The following ZNF385D variants were observed in gnomAD, a reference collection of about 807,000 sequenced individuals.
ZNF385D encodes zinc finger protein 385D, also known as zinc finger protein 659.
In ZNF385D, 15 loss-of-function variants were observed where a neutral mutation model predicts 35.8. That is an observed-to-expected ratio of 0.42 (90% CI 0.28 to 0.64). The LOEUF is 0.64. ZNF385D is among the 30% of genes least tolerant of loss of function. ZNF385D has a pLI of 0.23. For synonymous variants in ZNF385D, 212 were observed against 186.8 expected (o/e 1.13, Z -1.10); for missense variants, 474 against 494.6 (o/e 0.96, Z 0.39).
rs138277577 is a variant in ZNF385D at position 22,029,451 on chromosome 3, C to T, written c.325+139366G>A. Among the ~76,000 whole-genome samples, 280 of 152,222 alleles carry T rather than the reference C, an allele frequency of 1.8e-3. 2 individuals are homozygous for T. The highest frequency in any genetic ancestry group is 6.5e-3 in the African/African-American group (270 of 41,530). On this transcript the variant is annotated intron_variant, in intron 3 of 5. Transcript: ENST00000494108. ...TGGTTTACTCCAGCAGGAAAAAACC[C>T]GCGACCTGCTGAGGTGCTTGCTGAA...
chr3:22,200,657 C>T (rs976672801), intron 2 of ZNF385D, among the ~76,000 whole-genome samples: 3 of 152,046 alleles, frequency 2.0e-5, no homozygotes. Context: ...ATTTCTTCTT[C>T]CTAATAAGCC....
At chr3:22,030,299 A>ATATATATATATATATATATC (rs1553591392) in intron 3 of ZNF385D, among the ~76,000 whole-genome samples, 1 of 114,758 alleles carries the variant, frequency 8.7e-6, no homozygotes. Flanking sequence ...ATATATATAT[A>ATATATATATATATATATATC]TATCCTATTT....
intron 2 of ZNF385D, among the ~76,000 whole-genome samples, chr3:22,359,240 A>G (rs1696302300): frequency 6.6e-6 from 1 of 151,794 alleles, no homozygotes; most frequent in Non-Finnish European, 1.5e-5. Context: ...ACTGGAATTG[A>G]TTCGATTAAC....
intron 2 of ZNF385D, among the ~76,000 whole-genome samples, chr3:22,175,971 G>T (rs949205669): frequency 6.7e-6 from 1 of 149,966 alleles, no homozygotes; most frequent in Non-Finnish European, 1.5e-5. Context: ...AATTATAGTG[G>T]GTCACAATAT....
chr3:21,706,835 GATAGATAGATAGATAGATAA>G (rs1427028203), intron 1 of ZNF385D, among the ~76,000 whole-genome samples: 1 of 151,726 alleles, frequency 6.6e-6, no homozygotes. Context: ...TAGATAGATA[GATAGATAGATAGATAGATAA>G]ATAGATTAGA....
chr3:21,795,058 A>T (rs996926313), intron 3 of ZNF385D, among the ~76,000 whole-genome samples: 1 of 152,192 alleles, frequency 6.6e-6, no homozygotes, highest in Non-Finnish European at 1.5e-5. Flanking sequence ...TTTGTACCTG[A>T]TCCTTAATTA....
intron 3 of ZNF385D, among the ~76,000 whole-genome samples, chr3:21,870,236 C>T (rs1422851207): frequency 6.6e-6 from 1 of 152,120 alleles, no homozygotes; most frequent in Non-Finnish European, 1.5e-5. Context: ...ACTGTTTTAA[C>T]CTGTTTTGAT....
At chr3:21,737,770 T>C (rs1412624814) in intron 1 of ZNF385D, among the ~76,000 whole-genome samples, 1 of 152,162 alleles carries the variant, frequency 6.6e-6, no homozygotes, top group Non-Finnish European at 1.5e-5. Context: ...TACTATCTGA[T>C]AGGAAGGATC....
chr3:22,113,227 T>C lies in ZNF385D; in HGVS notation c.325+55590A>G, dbSNP rs1489947207. ...AGTGCTGCTATTTGCTACTCCTGAATTGGTTTATTTCTGAGTAATTTCTCA... is the reference window on the plus strand; with the variant it reads ...AGTGCTGCTATTTGCTACTCCTGAACTGGTTTATTTCTGAGTAATTTCTCA... On this transcript the variant is annotated intron_variant, in intron 3 of 5. Coordinates refer to the ZNF385D transcript ENST00000494108. Among the ~76,000 whole-genome samples the C allele has an allele frequency of 4.6e-5, 7 of 152,064 alleles. No homozygotes were observed. The East Asian group carries it at 5.8e-4, about 13-fold the overall frequency.
chr3:21,945,588 TG>T (rs1178166314), intron 3 of ZNF385D, among the ~76,000 whole-genome samples: 1 of 152,220 alleles, frequency 6.6e-6, no homozygotes, highest in Admixed American at 6.5e-5. Flanking sequence ...GTTGAACAAA[TG>T]TTTTTTTCTG....
At position 22,239,697 on chromosome 3, in the gene ZNF385D, C is replaced by G. The variant is rs961926567; in HGVS notation, c.107-70662G>C. 2.7e-5 allele frequency among the ~76,000 whole-genome samples: 4 copies of G among 150,786 alleles called. 1 individual carries two copies. The highest frequency in any genetic ancestry group is 7.4e-5 in the African/African-American group (3 of 40,708). On this transcript the variant is annotated intron_variant, in intron 2 of 5. Coordinates refer to the ZNF385D transcript ENST00000494108. ...AAAATATCCTCCAATAAACAGTGTGCTAGCCAATATCTAGATTAAGTGCAA... is the reference window on the plus strand; with the variant it reads ...AAAATATCCTCCAATAAACAGTGTGGTAGCCAATATCTAGATTAAGTGCAA...
chr3:21,853,569 A>C (rs1038952241), intron 3 of ZNF385D, among the ~76,000 whole-genome samples: 2 of 150,654 alleles, frequency 1.3e-5, no homozygotes, highest in African/African-American at 4.9e-5. Context: ...CTCAGTACGT[A>C]ATTGTGGGGA....
chr3:21,671,653 A>C (rs903973400), intron 1 of ZNF385D, among the ~76,000 whole-genome samples: 1 of 152,190 alleles, frequency 6.6e-6, no homozygotes, highest in African/African-American at 2.4e-5. Flanking sequence ...ACAATATGAT[A>C]AAAACAAAAC....
intron 3 of ZNF385D, among the ~76,000 whole-genome samples, chr3:21,758,994 A>AAAC (rs2070477033): frequency 2.7e-5 from 4 of 148,350 alleles, no homozygotes; most frequent in Non-Finnish European, 5.9e-5. Flanking sequence ...AAAAAAAAAA[A>AAAC]AAAAAAAAAA....
intron 3 of ZNF385D, among the ~76,000 whole-genome samples, chr3:21,937,554 C>A (rs1021117248): frequency 1.3e-5 from 2 of 152,096 alleles, no homozygotes; most frequent in Non-Finnish European, 2.9e-5. Flanking sequence ...CTTGACTATA[C>A]TGAACTTCTC....
intron 2 of ZNF385D, among the ~76,000 whole-genome samples, chr3:21,595,282 G>A (rs934798453): frequency 2.6e-5 from 4 of 151,870 alleles, no homozygotes. Context: ...CAACCTCCAG[G>A]CGAGCCCTAT....
At chr3:21,597,570 G>C (rs553538380) in intron 2 of ZNF385D, among the ~76,000 whole-genome samples, 1 of 152,224 alleles carries the variant, frequency 6.6e-6, no homozygotes, top group South Asian at 2.1e-4. Context: ...TTAAAGCTCA[G>C]ACTTGAGAAT....
intron 3 of ZNF385D, among the ~76,000 whole-genome samples, chr3:22,069,112 G>A (rs1482560208): frequency 6.6e-6 from 1 of 152,150 alleles, no homozygotes; most frequent in African/African-American, 2.4e-5. Context: ...ACAGGTGTTT[G>A]TTGTGTTATA....
chr3:21,641,421 AATT>A (rs945733432), intron 2 of ZNF385D, among the ~76,000 whole-genome samples: 3 of 151,434 alleles, frequency 2.0e-5, no homozygotes, highest in African/African-American at 7.3e-5. Context: ...GAGGAAGAAA[AATT>A]ATTATTTATT....
Sources: allele counts gnomAD v4.1 joint callset (sites outside exome capture counted in the v4.1 genomes callset), GRCh38; gene constraint gnomAD v4.1.1; transcripts MANE v1.5; gene names NCBI Gene and HGNC (gene_info 2026-07-23, HGNC 2026-07-21).